Variants in DNAJC3 observed in about 807,000 individuals in gnomAD.
DNAJC3 encodes the protein DnaJ heat shock protein family (Hsp40) member C3, also known as dnaJ homolog subfamily C member 3.
A neutral mutation model predicts 68.6 loss-of-function variants in DNAJC3; 38 were observed. The observed-to-expected ratio is 0.55, with a 90% CI of 0.43 to 0.73. DNAJC3 has a LOEUF of 0.73. Ranked by LOEUF, DNAJC3 falls within the 30% of genes least tolerant of loss-of-function variation. The pLI, the probability that DNAJC3 is intolerant of heterozygous loss-of-function variation, is 0.00. For synonymous variants in DNAJC3, 203 were observed against 204.0 expected (o/e 1.00, Z 0.04); for missense variants, 526 against 591.9 (o/e 0.89, Z 1.16).
chr13:95,754,647 C>T (rs545524235), intron 4 of DNAJC3, among the ~76,000 whole-genome samples: 3 of 152,174 alleles, frequency 2.0e-5, no homozygotes, highest in Non-Finnish European at 4.4e-5. Context: ...AGGAGGACAA[C>T]ATAGTGAGAA....
chr13:95,722,260 T>C (rs1338281057), intron 2 of DNAJC3, among the ~76,000 whole-genome samples: 6 of 152,204 alleles, frequency 3.9e-5, no homozygotes, highest in Non-Finnish European at 7.3e-5. Context: ...AGTCTCACTC[T>C]CATTTCTGTT....
At chr13:95,775,293 TAATTGA>T (rs1370418045) in intron 9 of DNAJC3, among the ~76,000 whole-genome samples, 2 of 152,250 alleles carry the variant, frequency 1.3e-5, no homozygotes, top group Non-Finnish European at 2.9e-5. Context: ...GTTACCACTA[TAATTGA>T]AATTAAAATA....
At chr13:95,682,305 C>T (rs1879935889) in intron 1 of DNAJC3, among the ~76,000 whole-genome samples, 1 of 152,086 alleles carries the variant, frequency 6.6e-6, no homozygotes, top group South Asian at 2.1e-4. Context: ...TCCTCATATT[C>T]TAAGTGCTCC....
At position 95,739,081 on chromosome 13, in the gene DNAJC3, G is replaced by T. The variant is rs562308110; in HGVS notation, c.393+13829G>T. Among the ~76,000 whole-genome samples, 458 of 152,106 alleles carry T rather than the reference G, an allele frequency of 3.0e-3. 3 individuals are homozygous for T. The highest frequency in any genetic ancestry group is 0.011 in the African/African-American group (437 of 41,478). On this transcript the variant is annotated intron_variant, in intron 4 of 11. Coordinates refer to ENST00000602402, the MANE Select transcript of DNAJC3 (RefSeq NM_006260.5). ...AGGATTTTATTTCTCCTTCACTTAT[G>T]AAGCTTAGTTTGGCTGGATATGCAA...
chr13:95,709,056 T>C (rs1467423002), intron 1 of DNAJC3, among the ~76,000 whole-genome samples, 171 bp from the exon 2 acceptor site: 1 of 152,220 alleles, frequency 6.6e-6, no homozygotes, highest in Non-Finnish European at 1.5e-5. Flanking sequence ...CTCCATATAA[T>C]GAAATAGGGT....
intron 9 of DNAJC3, among the ~76,000 whole-genome samples, chr13:95,768,984 TATCTATATCTA>T (rs1306398634): frequency 8.5e-5 from 2 of 23,578 alleles, no homozygotes; most frequent in East Asian, 7.4e-3. Flanking sequence ...TCCAAAAAAT[TATCTATATCTA>T]TATCTATATC....
chr13:95,779,378 C>G (rs1201586105), intron 9 of DNAJC3, among the ~76,000 whole-genome samples: 1 of 152,098 alleles, frequency 6.6e-6, no homozygotes, highest in East Asian at 1.9e-4. Context: ...CCCACTGCGG[C>G]CTCCCAAAGT....
intron 9 of DNAJC3, among the ~76,000 whole-genome samples, chr13:95,781,911 C>T (rs941367272): frequency 2.0e-4 from 31 of 152,046 alleles, no homozygotes; most frequent in African/African-American, 6.8e-4. Context: ...CCCATCAACC[C>T]ATCATCTACA....
At chr13:95,683,511 G>T (rs930322591) in intron 1 of DNAJC3, among the ~76,000 whole-genome samples, 1 of 152,332 alleles carries the variant, frequency 6.6e-6, no homozygotes, top group East Asian at 1.9e-4. Flanking sequence ...CTGGCCATGT[G>T]AAGATGTGCC....
chr13:95,730,504 C>T (rs945585264), intron 4 of DNAJC3, among the ~76,000 whole-genome samples: 1 of 152,094 alleles, frequency 6.6e-6, no homozygotes. Context: ...AGACAGGGAT[C>T]CAGTTTCAAT....
chr13:95,690,544 A>G (rs1461818537), intron 1 of DNAJC3, among the ~76,000 whole-genome samples: 15 of 149,846 alleles, frequency 1.0e-4, no homozygotes, highest in African/African-American at 2.7e-4. Flanking sequence ...GGGGCTCCTC[A>G]CTTCCCAGTA....
chr13:95,709,246 T>G lies in DNAJC3; in HGVS notation c.102T>G (p.Asn34Lys). 6.3e-7 allele frequency: 1 copy of G among 1,577,866 alleles called. No individual in the cohort carries two copies. Among genetic ancestry groups the G allele is most frequent in the South Asian group, 1.2e-5 (1 of 83,148 alleles). ...LQYEGAECGVNADVEKHLELG... is the reference protein window; with the variant it reads ...LQYEGAECGVKADVEKHLELG... Reference sequence around the variant, plus strand: ...TTTTAGGTGCTGAATGTGGAGTAAATGCAGATGTTGAGAAACATCTTGAAT... The same window carrying G: ...TTTTAGGTGCTGAATGTGGAGTAAAGGCAGATGTTGAGAAACATCTTGAAT... Residue 34 changes from asparagine to lysine, a missense_variant, in exon 2 of 12, where the codon AAT becomes AAG. Asn to Lys is a moderately conservative substitution (Grantham distance 94, BLOSUM62 0). Coordinates refer to ENST00000602402, the MANE Select transcript of DNAJC3 (RefSeq NM_006260.5).
intron 4 of DNAJC3, among the ~76,000 whole-genome samples, chr13:95,730,562 G>A (rs904256871): frequency 1.3e-5 from 2 of 152,040 alleles, no homozygotes; most frequent in Non-Finnish European, 2.9e-5. Flanking sequence ...TATTGAAGAG[G>A]GTGTGTGTCC....
At chr13:95,689,677 G>C (rs909017538) in intron 1 of DNAJC3, among the ~76,000 whole-genome samples, 1 of 151,540 alleles carries the variant, frequency 6.6e-6, no homozygotes, top group African/African-American at 2.4e-5. Context: ...AGTTCCTTGA[G>C]GTGTGGTGTG....
At chr13:95,730,659 CA>C (rs1282697583) in intron 4 of DNAJC3, among the ~76,000 whole-genome samples, 1 of 152,142 alleles carries the variant, frequency 6.6e-6, no homozygotes, top group East Asian at 1.9e-4. Context: ...TAATCTGTTC[CA>C]TTGATGTATG....
chr13:95,722,210 G>A (rs922512450), intron 2 of DNAJC3, among the ~76,000 whole-genome samples: 1 of 152,138 alleles, frequency 6.6e-6, no homozygotes, highest in African/African-American at 2.4e-5. Context: ...TCATCTGTCT[G>A]CTTTCCTTAC....
intron 9 of DNAJC3, among the ~76,000 whole-genome samples, chr13:95,780,316 C>T (rs552387681): frequency 6.6e-6 from 1 of 152,258 alleles, no homozygotes; most frequent in East Asian, 1.9e-4. Flanking sequence ...TTCACTGTTC[C>T]CTCTCACTGT....
chr13:95,680,432 G>GT (rs1273926166), intron 1 of DNAJC3, among the ~76,000 whole-genome samples: 2 of 152,098 alleles, frequency 1.3e-5, no homozygotes, highest in African/African-American at 2.4e-5. Context: ...CCTATTAAAG[G>GT]TATGTTTTGT....
intron 9 of DNAJC3, among the ~76,000 whole-genome samples, chr13:95,783,448 A>G (rs1883509712): frequency 6.6e-6 from 1 of 152,188 alleles, no homozygotes; most frequent in Non-Finnish European, 1.5e-5. Flanking sequence ...TTCCTATTGT[A>G]TTCCTTCAAG....
Sources: gnomAD v4.1 joint callset for allele counts (sites outside exome capture counted in the v4.1 genomes callset) on GRCh38, gnomAD v4.1.1 for gene constraint, MANE v1.5 for transcripts, NCBI Gene and HGNC (gene_info 2026-07-23, HGNC 2026-07-21) for gene names.